Variants in ANKRD12 observed in about 807,000 individuals in gnomAD.
ANKRD12 encodes the protein ankyrin repeat domain 12.
Under a neutral mutation model 183.4 loss-of-function variants are expected in ANKRD12, and 85 were observed. The ratio of observed to expected loss-of-function variants is 0.46; its 90% CI spans 0.39 to 0.56. ANKRD12 has a LOEUF of 0.56. ANKRD12 is among the 20% of genes least tolerant of loss of function. The pLI, the probability that ANKRD12 is intolerant of heterozygous loss-of-function variation, is 0.00. For synonymous variants in ANKRD12, 914 were observed against 800.2 expected (o/e 1.14, Z -2.40); for missense variants, 2,405 against 2,357.1 (o/e 1.02, Z -0.42).
At chr18:9,158,816 TAC>T (rs1370968853) in intron 1 of ANKRD12, among the ~76,000 whole-genome samples, 1 of 152,214 alleles carries the variant, frequency 6.6e-6, no homozygotes, top group Non-Finnish European at 1.5e-5. Flanking sequence ...ATGGAAGACT[TAC>T]TCATTCTCTC....
chr18:9,170,961 A>G (rs891188840), intron 1 of ANKRD12, among the ~76,000 whole-genome samples: 1 of 152,130 alleles, frequency 6.6e-6, no homozygotes, highest in African/African-American at 2.4e-5. Context: ...GGAGTTTGCT[A>G]GAGGTCCACT....
chr18:9,209,914 A>T (rs964550470), intron 5 of ANKRD12, among the ~76,000 whole-genome samples: 3 of 152,172 alleles, frequency 2.0e-5, no homozygotes, highest in African/African-American at 7.2e-5. Context: ...ACCTCCCCTC[A>T]AGAGGTGACC....
intron 1 of ANKRD12, among the ~76,000 whole-genome samples, chr18:9,165,975 G>GT (rs1221003090): frequency 2.7e-5 from 4 of 150,266 alleles, no homozygotes; most frequent in African/African-American, 7.4e-5. Flanking sequence ...GCACTGTTTG[G>GT]TTTTTTGTCC....
intron 10 of ANKRD12, among the ~76,000 whole-genome samples, 157 bp downstream of exon 10, chr18:9,264,045 T>G (rs1274600231): frequency 6.6e-6 from 1 of 152,220 alleles, no homozygotes; most frequent in Non-Finnish European, 1.5e-5. Context: ...GGAAAAATTT[T>G]AAGCCTATTT....
chr18:9,144,627 A>C (rs1167191240), intron 1 of ANKRD12, among the ~76,000 whole-genome samples: 3 of 152,198 alleles, frequency 2.0e-5, no homozygotes, highest in Non-Finnish European at 4.4e-5. Context: ...ACTACTCCAT[A>C]GTTGATTATA....
chr18:9,275,047 C>G (rs1424761821), intron 10 of ANKRD12, among the ~76,000 whole-genome samples: 1 of 151,772 alleles, frequency 6.6e-6, no homozygotes, highest in East Asian at 1.9e-4. Flanking sequence ...AATAATTAGC[C>G]AAGTGTGGTG....
intron 8 of ANKRD12, among the ~76,000 whole-genome samples, chr18:9,241,033 A>T (rs901242481): frequency 1.3e-5 from 2 of 152,168 alleles, no homozygotes; most frequent in Non-Finnish European, 2.9e-5. Context: ...AGTTAATAAG[A>T]GATCCAAAAA....
chr18:9,185,036 T>A (rs1364528470), intron 2 of ANKRD12, among the ~76,000 whole-genome samples: 1 of 152,214 alleles, frequency 6.6e-6, no homozygotes, highest in Admixed American at 6.5e-5. Context: ...AGGTACTTAA[T>A]CTGGGTTCTC....
intron 8 of ANKRD12, among the ~76,000 whole-genome samples, chr18:9,234,339 G>C (rs1210937488): frequency 1.3e-5 from 2 of 152,184 alleles, no homozygotes; most frequent in African/African-American, 2.4e-5. Context: ...ACCAGTGGCG[G>C]GGCGACGGGG....
At chr18:9,175,116 G>T (rs772513816) in intron 1 of ANKRD12, among the ~76,000 whole-genome samples, 3 of 151,960 alleles carry the variant, frequency 2.0e-5, no homozygotes, top group Non-Finnish European at 4.4e-5. Context: ...CACCACTCCT[G>T]CCTAATTTTT....
At chr18:9,198,495 A>G (rs1279773140) in intron 3 of ANKRD12, among the ~76,000 whole-genome samples, 1 of 152,168 alleles carries the variant, frequency 6.6e-6, no homozygotes, top group Non-Finnish European at 1.5e-5. Context: ...CAGTGTATAT[A>G]AAAAGTTGTT....
Position 9,285,077 on chromosome 18 carries a change from C to A in ANKRD12, c.*3951C>A, listed in dbSNP as rs915276848. 6 of 152,234 alleles carry A rather than the reference C, an allele frequency of 3.9e-5. No individual in the cohort carries two copies. Among genetic ancestry groups the A allele is most frequent in the African/African-American group, 1.4e-4 (6 of 41,398 alleles). The allele number at this position is 152,234 out of a possible 1,614,324, so 9.4% of individuals were successfully genotyped here. On this transcript the variant is annotated 3_prime_UTR_variant, in exon 13 of 13. Transcript: ENST00000262126. ...GCAAAAAATCAGCCGGGTGTGGCCG[C>A]GGGCGCCTGTAGTTCCAGCTACTCG...
intron 8 of ANKRD12, among the ~76,000 whole-genome samples, chr18:9,252,797 C>G (rs1249906457): frequency 3.3e-5 from 5 of 152,114 alleles, no homozygotes; most frequent in Non-Finnish European, 7.4e-5. Context: ...AACTCCGTTT[C>G]TACCAAAAAT....
chr18:9,274,450 A>G (rs1212482945), intron 10 of ANKRD12, among the ~76,000 whole-genome samples: 5 of 152,248 alleles, frequency 3.3e-5, no homozygotes, highest in African/African-American at 4.8e-5. Context: ...CAAAGACCAC[A>G]TATTGCATAT....
rs775618281 is a variant in ANKRD12, at chr18:9,179,987, A to G, written c.-51-2395A>G. ...TTTCTGTAAACATCAATTAGAACCA[A>G]CTGATTAACGGCGTTTTTCTGTTCT... On this transcript the variant is annotated intron_variant, in intron 1 of 12. Transcript: ENST00000262126. Among the ~76,000 whole-genome samples the G allele has an allele frequency of 2.6e-5, 4 of 152,226 alleles. No homozygotes were observed. In the East Asian group the frequency reaches 7.7e-4, roughly 29 times the overall value.
chr18:9,238,317 A>G (rs1214360530), intron 8 of ANKRD12, among the ~76,000 whole-genome samples: 1 of 152,130 alleles, frequency 6.6e-6, no homozygotes, highest in Non-Finnish European at 1.5e-5. Flanking sequence ...AATTTCACCC[A>G]CACTTAGAGT....
intron 1 of ANKRD12, among the ~76,000 whole-genome samples, chr18:9,144,302 A>G (rs1357223544): frequency 3.9e-5 from 6 of 152,230 alleles, no homozygotes; most frequent in Non-Finnish European, 7.3e-5. Context: ...TAATCTTTAT[A>G]TATTAGTGAT....
chr18:9,178,680 A>T (rs1439225552), intron 1 of ANKRD12, among the ~76,000 whole-genome samples: 1 of 152,192 alleles, frequency 6.6e-6, no homozygotes, highest in Non-Finnish European at 1.5e-5. Flanking sequence ...TCCATAAAAA[A>T]CAAAAAAATA....
At chr18:9,225,916 A>ACT (rs2036679489) in intron 8 of ANKRD12, among the ~76,000 whole-genome samples, 1 of 151,962 alleles carries the variant, frequency 6.6e-6, no homozygotes, top group African/African-American at 2.4e-5. Flanking sequence ...TTCCTTTATT[A>ACT]CACTATCACA....
Sources: gnomAD v4.1 joint callset for allele counts (sites outside exome capture counted in the v4.1 genomes callset) on GRCh38, gnomAD v4.1.1 for gene constraint, MANE v1.5 for transcripts, NCBI Gene and HGNC (gene_info 2026-07-23, HGNC 2026-07-21) for gene names.